SGCZ: variants seen among roughly 807,000 people sequenced by gnomAD.
SGCZ encodes sarcoglycan zeta, also known as zeta-sarcoglycan.
In SGCZ, 40 loss-of-function variants were observed where a neutral mutation model predicts 41.3. That is an observed-to-expected ratio of 0.97 (90% CI 0.75 to 1.26). The LOEUF (loss-of-function observed/expected upper bound fraction) is 1.26. Ranked by LOEUF, SGCZ falls within the 50% of genes most tolerant of loss-of-function variation. The pLI is 0.00. For synonymous variants in SGCZ, 206 were observed against 137.5 expected (o/e 1.50, Z -3.49); for missense variants, 552 against 369.8 (o/e 1.49, Z -4.04).
chr8:14,596,734 C>T (rs1219542430), intron 1 of SGCZ, among the ~76,000 whole-genome samples: 1 of 151,946 alleles, frequency 6.6e-6, no homozygotes, highest in Non-Finnish European at 1.5e-5. Flanking sequence ...GGGCTTAAAA[C>T]CTAGATGATG....
At chr8:15,030,526 G>A (rs963845314) in intron 1 of SGCZ, among the ~76,000 whole-genome samples, 1 of 152,094 alleles carries the variant, frequency 6.6e-6, no homozygotes, top group Non-Finnish European at 1.5e-5. Context: ...GGACTTAGAG[G>A]ATGTGGAAGA....
chr8:14,334,776 A>T (rs550921115), intron 2 of SGCZ, among the ~76,000 whole-genome samples: 7 of 152,246 alleles, frequency 4.6e-5, no homozygotes, highest in Non-Finnish European at 8.8e-5. Context: ...TTGTACACCC[A>T]TAGACTGTTT....
At chr8:14,768,698 T>C (rs953629454) in intron 1 of SGCZ, among the ~76,000 whole-genome samples, 20 of 152,114 alleles carry the variant, frequency 1.3e-4, no homozygotes, top group Middle Eastern at 6.8e-3. Context: ...TGCGGGAGTA[T>C]GATTCACTAA....
rs73205438 is a variant in SGCZ, at chr8:15,072,291, G to C, written c.39+165294C>G. Among the ~76,000 whole-genome samples, 6 of 152,066 alleles carry C rather than the reference G, an allele frequency of 3.9e-5. No individual in the cohort carries two copies. In the South Asian group the frequency reaches 8.3e-4, roughly 21 times the overall value. On this transcript the variant is annotated intron_variant, in intron 1 of 7. Coordinates refer to ENST00000382080, the MANE Select transcript of SGCZ (RefSeq NM_139167.4). The stretch of plus-strand genomic sequence containing the variant: ...GAACTCACATCTTGTCAAGGTGGAC[G>C]TAAGTCTTTAAAAAAACTAAAATTT...
chr8:14,338,500 G>T (rs574704392), intron 2 of SGCZ, among the ~76,000 whole-genome samples: 1 of 152,124 alleles, frequency 6.6e-6, no homozygotes, highest in Non-Finnish European at 1.5e-5. Context: ...GGCAGGTGGT[G>T]CTTATTCGAG....
intron 1 of SGCZ, among the ~76,000 whole-genome samples, chr8:14,840,437 C>T (rs1488611757): frequency 1.3e-5 from 2 of 151,946 alleles, no homozygotes; most frequent in Non-Finnish European, 2.9e-5. Context: ...TACAATGTTG[C>T]GGAAAACAAT....
intron 2 of SGCZ, among the ~76,000 whole-genome samples, chr8:14,445,617 G>C (rs1800408565): frequency 6.6e-6 from 1 of 152,074 alleles, no homozygotes; most frequent in Admixed American, 6.5e-5. Flanking sequence ...ACCACCCTTT[G>C]AGAATCCCAT....
chr8:14,677,189 T>C (rs927195972), intron 1 of SGCZ, among the ~76,000 whole-genome samples: 2 of 151,916 alleles, frequency 1.3e-5, no homozygotes, highest in Non-Finnish European at 2.9e-5. Context: ...GAACTGAAAT[T>C]AAAACACAGC....
chr8:14,908,665 G>C (rs537218480), intron 1 of SGCZ, among the ~76,000 whole-genome samples: 2 of 149,396 alleles, frequency 1.3e-5, no homozygotes, highest in Non-Finnish European at 3.0e-5. Flanking sequence ...CAGGAGAATC[G>C]CTGGAACCTG....
chr8:14,207,523 T>C (rs946210536), intron 4 of SGCZ, among the ~76,000 whole-genome samples: 30 of 152,212 alleles, frequency 2.0e-4, no homozygotes, highest in African/African-American at 7.0e-4. Flanking sequence ...TAGTCAACAT[T>C]GATCTAGTTT....
chr8:14,316,391 A>T (rs1432013278), intron 3 of SGCZ, among the ~76,000 whole-genome samples: 1 of 152,050 alleles, frequency 6.6e-6, no homozygotes, highest in Non-Finnish European at 1.5e-5. Context: ...TTTTCAGGTC[A>T]TTTACTCAAT....
intron 2 of SGCZ, among the ~76,000 whole-genome samples, chr8:14,462,051 G>A (rs970344393): frequency 1.3e-5 from 2 of 151,754 alleles, no homozygotes; most frequent in African/African-American, 2.4e-5. Context: ...TTACTTCCAG[G>A]CAGCCATACT....
At chr8:14,449,991 T>C (rs1800545412) in intron 2 of SGCZ, among the ~76,000 whole-genome samples, 1 of 152,180 alleles carries the variant, frequency 6.6e-6, no homozygotes, top group Non-Finnish European at 1.5e-5. Context: ...ATATATTTAA[T>C]ATAATGCAAT....
intron 1 of SGCZ, among the ~76,000 whole-genome samples, chr8:14,696,161 G>T (rs1207063519): frequency 6.6e-6 from 1 of 151,916 alleles, no homozygotes; most frequent in African/African-American, 2.4e-5. Context: ...CATTATACAT[G>T]GGTTGACATT....
chr8:14,463,545 G>A (rs1800962565), intron 2 of SGCZ, among the ~76,000 whole-genome samples: 1 of 151,222 alleles, frequency 6.6e-6, no homozygotes, highest in Admixed American at 6.6e-5. Flanking sequence ...TTTTTTTAAG[G>A]AAACATTGGG....
At chr8:14,509,071 A>T (rs1490812760) in intron 2 of SGCZ, among the ~76,000 whole-genome samples, 1 of 152,142 alleles carries the variant, frequency 6.6e-6, no homozygotes. Flanking sequence ...TCCTGGGATT[A>T]ACATAATAGA....
chr8:14,176,274 A>T (rs994108039), intron 4 of SGCZ, among the ~76,000 whole-genome samples: 2 of 152,236 alleles, frequency 1.3e-5, no homozygotes, highest in Non-Finnish European at 2.9e-5. Context: ...TTCTGGCATA[A>T]TGCAAATTTT....
At chr8:14,925,912 A>G (rs1799732487) in intron 1 of SGCZ, among the ~76,000 whole-genome samples, 2 of 152,236 alleles carry the variant, frequency 1.3e-5, no homozygotes, top group South Asian at 4.1e-4. Context: ...GACACATTTT[A>G]TGGGCAGAAT....
At chr8:14,698,745 G>C (rs1200690152) in intron 1 of SGCZ, among the ~76,000 whole-genome samples, 1 of 151,846 alleles carries the variant, frequency 6.6e-6, no homozygotes, top group Non-Finnish European at 1.5e-5. Context: ...CAAAGACTAA[G>C]CCAGTAGACA....
Sources: gnomAD v4.1 joint callset for allele counts (sites outside exome capture counted in the v4.1 genomes callset) on GRCh38, gnomAD v4.1.1 for gene constraint, MANE v1.5 for transcripts, NCBI Gene and HGNC (gene_info 2026-07-23, HGNC 2026-07-21) for gene names.